DPYD: variants seen among roughly 807,000 people sequenced by gnomAD.
The protein encoded by DPYD is dihydropyrimidine dehydrogenase [NADP(+)].
In DPYD, 109 loss-of-function variants were observed where a neutral mutation model predicts 116.2. That is an observed-to-expected ratio of 0.94 (90% CI 0.80 to 1.10). The LOEUF (loss-of-function observed/expected upper bound fraction) is 1.10. Ranked by LOEUF, DPYD falls within the 50% of genes least tolerant of loss-of-function variation. The pLI is 0.00. For synonymous variants in DPYD, 440 were observed against 432.0 expected, an observed-to-expected ratio of 1.02 and a Z score of -0.23; for missense variants, 1,302 against 1,254.5, an observed-to-expected ratio of 1.04 and a Z score of -0.57.
intron 20 of DPYD, among the ~76,000 whole-genome samples, chr1:97,118,670 T>C (rs1376241709): frequency 6.6e-6 from 1 of 152,206 alleles, no homozygotes; most frequent in Non-Finnish European, 1.5e-5. Flanking sequence ...TTAAATATTT[T>C]TTCTGCCAGA....
intron 5 of DPYD, chr1:97,700,223 C>G (rs1208300758): frequency 6.6e-6 from 3 of 455,818 alleles, no homozygotes; most frequent in African/African-American, 6.0e-5. Context: ...TTGAAGAGAA[C>G]CACAGCTCAG....
chr1:97,727,351 G>T (rs1663323037), intron 4 of DPYD, among the ~76,000 whole-genome samples: 1 of 151,674 alleles, frequency 6.6e-6, no homozygotes, highest in Admixed American at 6.6e-5. Flanking sequence ...TCATTCACTT[G>T]GGAAAGATTA....
At chr1:97,710,877 C>T (rs1324539151) in intron 5 of DPYD, among the ~76,000 whole-genome samples, 2 of 151,508 alleles carry the variant, frequency 1.3e-5, no homozygotes, top group Non-Finnish European at 3.0e-5. Context: ...GGTAAACCCA[C>T]CTGAAAGAGA....
At chr1:97,120,676 A>T (rs1221924465) in intron 20 of DPYD, among the ~76,000 whole-genome samples, 1 of 152,156 alleles carries the variant, frequency 6.6e-6, no homozygotes, top group Non-Finnish European at 1.5e-5. Flanking sequence ...TCTCCTCTGC[A>T]CCCCCAACCA....
At chr1:97,293,996 C>A (rs925849835) in intron 18 of DPYD, among the ~76,000 whole-genome samples, 1 of 151,954 alleles carries the variant, frequency 6.6e-6, no homozygotes, top group Non-Finnish European at 1.5e-5. Flanking sequence ...TTGTATGCAA[C>A]TGAATATTAA....
intron 20 of DPYD, among the ~76,000 whole-genome samples, chr1:97,116,953 A>T (rs184389032): frequency 0.013 from 1,917 of 150,154 alleles, 32 homozygotes; most frequent in African/African-American, 0.045. Flanking sequence ...GTTCGAGACC[A>T]GCCTAGCCAA....
intron 11 of DPYD, 59 bp downstream of exon 11, chr1:97,573,701 T>A (rs2102181378): frequency 6.3e-7 from 1 of 1,596,390 alleles, no homozygotes; most frequent in Non-Finnish European, 8.6e-7. Flanking sequence ...AGCTAGAAAC[T>A]ATTACAGCAC....
chr1:97,098,468 T>A (rs56406418), intron 21 of DPYD, 21 bp downstream of exon 21: 1 of 1,609,570 alleles, frequency 6.2e-7, no homozygotes, highest in Admixed American at 1.7e-5. Flanking sequence ...GGCATACTTA[T>A]ATAGTTGGCA....
chr1:97,489,623 A>C (rs1201746035), intron 13 of DPYD, among the ~76,000 whole-genome samples: 1 of 152,202 alleles, frequency 6.6e-6, no homozygotes, highest in Non-Finnish European at 1.5e-5. Context: ...TAAGGATGAA[A>C]AACTACATTA....
intron 1 of DPYD, among the ~76,000 whole-genome samples, chr1:97,902,640 T>A (rs570768367): frequency 1.3e-5 from 2 of 151,982 alleles, no homozygotes; most frequent in Admixed American, 1.3e-4. Context: ...TTCTCTGTCA[T>A]TTTAAAGATT....
At chr1:97,114,960 G>T (rs780893963) in intron 20 of DPYD, among the ~76,000 whole-genome samples, 2 of 152,062 alleles carry the variant, frequency 1.3e-5, no homozygotes, top group East Asian at 1.9e-4. Flanking sequence ...CCTTCTGATC[G>T]CATAGGATTT....
chr1:97,268,347 C>T (rs1392421255), intron 18 of DPYD, among the ~76,000 whole-genome samples: 1 of 152,114 alleles, frequency 6.6e-6, no homozygotes, highest in Non-Finnish European at 1.5e-5. Flanking sequence ...ACTCCCATGG[C>T]TCTACTAAGT....
intron 18 of DPYD, among the ~76,000 whole-genome samples, chr1:97,287,922 T>A (rs940343144): frequency 6.6e-6 from 1 of 151,890 alleles, no homozygotes; most frequent in Non-Finnish European, 1.5e-5. Flanking sequence ...CCCATCAGTG[T>A]GCTGTATTCA....
chr1:97,687,173 G>C (rs1317569603), intron 7 of DPYD, among the ~76,000 whole-genome samples: 1 of 151,830 alleles, frequency 6.6e-6, no homozygotes, highest in East Asian at 1.9e-4. Context: ...TGGGACACTC[G>C]GGCAGGAAAA....
intron 18 of DPYD, among the ~76,000 whole-genome samples, chr1:97,278,922 T>A (rs1056313133): frequency 1.2e-4 from 11 of 88,274 alleles, no homozygotes; most frequent in Non-Finnish European, 2.2e-4. Flanking sequence ...TTCGTAAAAA[T>A]TTTTTTTTTC....
intron 4 of DPYD, among the ~76,000 whole-genome samples, chr1:97,736,573 A>G (rs1159719541): frequency 6.6e-6 from 1 of 152,170 alleles, no homozygotes; most frequent in Non-Finnish European, 1.5e-5. Context: ...GAGAGAATTA[A>G]TATCCACAGA....
At chr1:97,252,587 C>T (rs1663176919) in intron 18 of DPYD, among the ~76,000 whole-genome samples, 1 of 152,094 alleles carries the variant, frequency 6.6e-6, no homozygotes, top group African/African-American at 2.4e-5. Context: ...GTTACAGAGG[C>T]AGAGCTAGAG....
chr1:97,360,207 T>C (rs188222416), intron 16 of DPYD, among the ~76,000 whole-genome samples: 2 of 151,618 alleles, frequency 1.3e-5, no homozygotes, highest in Admixed American at 1.3e-4. Context: ...AAGAGACCAT[T>C]ATGTGATGGT....
At chr1:97,136,876 A>G (rs1653846225) in intron 20 of DPYD, among the ~76,000 whole-genome samples, 2 of 152,200 alleles carry the variant, frequency 1.3e-5, no homozygotes, top group Admixed American at 1.3e-4. Flanking sequence ...ACTGGTAAAG[A>G]GTAGTCAGCT....
Sources: gnomAD v4.1 joint callset for allele counts (sites outside exome capture counted in the v4.1 genomes callset) on GRCh38, gnomAD v4.1.1 for gene constraint, MANE v1.5 for transcripts, NCBI Gene and HGNC (gene_info 2026-07-23, HGNC 2026-07-21) for gene names.